Variants in MYB observed in about 807,000 individuals in gnomAD.
The protein encoded by MYB is transcriptional activator Myb.
Under a neutral mutation model 92.9 loss-of-function variants are expected in MYB, and 28 were observed. The ratio of observed to expected loss-of-function variants is 0.30; its 90% CI spans 0.22 to 0.41. The LOEUF (loss-of-function observed/expected upper bound fraction) is 0.41. Ranked by LOEUF, MYB falls within the 10% of genes least tolerant of loss-of-function variation. The pLI is 1.00. For synonymous variants in MYB, 295 were observed against 329.1 expected (o/e 0.90, Z 1.12); for missense variants, 679 against 929.3 (o/e 0.73, Z 3.50).
chr6:135,190,714 G>C lies in MYB; in HGVS notation c.527+367G>C, dbSNP rs1369502535. 6.6e-6 allele frequency among the ~76,000 whole-genome samples: 1 copy of C among 152,212 alleles called. No individual in the cohort carries two copies. The highest frequency in any genetic ancestry group is 1.5e-5 in the Non-Finnish European group (1 of 68,028). On this transcript the variant is annotated intron_variant, in intron 5 of 15. Coordinates refer to ENST00000341911, the MANE Select transcript of MYB (RefSeq NM_001130173.2). This position sits in a 1 kb window ranked among gnomAD's most constrained non-coding sequence, Gnocchi z 4.5. ...AACTGAAGACAGTTTGTCTCTGGCA[G>C]TTCACGTAGCTGGTTAAGTTACTCA... is the stretch of plus-strand genomic sequence containing the variant.
At chr6:135,199,145 G>A in intron 11 of MYB, 95 bp downstream of exon 11, 1 of 1,040,356 alleles carries the variant, frequency 9.6e-7, no homozygotes, top group African/African-American at 1.6e-5. Context: ...ACTTGTATGT[G>A]CATAATTTTA....
intron 1 of MYB, among the ~76,000 whole-genome samples, chr6:135,184,890 A>G (rs1775715226): frequency 6.6e-6 from 1 of 152,202 alleles, no homozygotes; most frequent in Non-Finnish European, 1.5e-5. Context: ...CGTGTCTGTA[A>G]AATTATTGTC....
chr6:135,212,224 C>CTTTTTTTGTTTTT (rs1779811244), intron 15 of MYB, among the ~76,000 whole-genome samples: 2 of 32,882 alleles, frequency 6.1e-5, no homozygotes, highest in Non-Finnish European at 1.1e-4. Flanking sequence ...TTTGGTTTTA[C>CTTTTTTTGTTTTT]TTTTTTTTTT....
chr6:135,202,405 G>T (rs1008854852), intron 14 of MYB: 1 of 154,876 alleles, frequency 6.5e-6, no homozygotes, highest in African/African-American at 2.4e-5. Flanking sequence ...TTTCGCTCTT[G>T]TTGCCCAGAC....
Position 135,217,877 on chromosome 6 carries a change from C to T in MYB, c.2183C>T (p.Thr728Ile). 6.2e-7 allele frequency: 1 copy of T among 1,611,036 alleles called. No homozygotes were observed. Among genetic ancestry groups the T allele is most frequent in the Non-Finnish European group, 8.5e-7 (1 of 1,177,416 alleles). Residue 728 changes from threonine to isoleucine, a missense_variant, in exon 16 of 16, where the codon ACC (threonine) becomes ATC (isoleucine). Around this residue, in one of 8 missense-constraint regions of MYB, gnomAD observed 402 missense variants for 434.2 expected, o/e 0.93. Coordinates refer to ENST00000341911, the MANE Select transcript of MYB (RefSeq NM_001130173.2). ...TTTCTCCATCAGCCTTGTAGCAGTACCTGGGAACCTGCATCCTGTGGAAAG... is the reference window on the plus strand; with the variant it reads ...TTTCTCCATCAGCCTTGTAGCAGTATCTGGGAACCTGCATCCTGTGGAAAG... Reference protein sequence around the residue: ...LASPLQPCSSTWEPASCGKME... With the variant: ...LASPLQPCSSIWEPASCGKME...
chr6:135,196,867 GTTTGC>G (rs1310234526), intron 9 of MYB, 89 bp from the exon 10 acceptor site: 201 of 1,587,558 alleles, frequency 1.3e-4, no homozygotes, highest in Non-Finnish European at 1.7e-4. Flanking sequence ...CGGGCCTAGT[GTTTGC>G]TTTGCGTTGA....
chr6:135,199,938 G>A (rs997283834), intron 11 of MYB, 147 bp from the exon 12 acceptor site: 3 of 641,898 alleles, frequency 4.7e-6, no homozygotes, highest in Middle Eastern at 3.5e-4. Context: ...TTTTCTTAAC[G>A]AATAACGTGA....
rs552545642 is a variant in MYB, at chr6:135,204,255, C to T, written c.2169+931C>T. Among the ~76,000 whole-genome samples the T allele has an allele frequency of 3.3e-5, 5 of 152,290 alleles. No individual in the cohort carries two copies. In the East Asian group the frequency reaches 9.6e-4, roughly 29 times the overall value. Reference sequence around the variant, plus strand: ...CAAATTGTGAGAATCTGAAAACTTGCCCGGTAAGTATTTGTGATGCTTAGT... The same window carrying T: ...CAAATTGTGAGAATCTGAAAACTTGTCCGGTAAGTATTTGTGATGCTTAGT... On this transcript the variant is annotated intron_variant, in intron 15 of 15. Coordinates refer to ENST00000341911, the MANE Select transcript of MYB (RefSeq NM_001130173.2).
intron 15 of MYB, chr6:135,203,625 ATCT>A (rs1035973600): frequency 7.9e-6 from 8 of 1,009,654 alleles, no homozygotes; most frequent in Admixed American, 4.9e-5. Flanking sequence ...GTGTGTCACT[ATCT>A]TCTTCTGCCC....
At chr6:135,206,205 C>CAAAAAAAAAAAAAAAAA (rs67836018) in intron 15 of MYB, among the ~76,000 whole-genome samples, 3 of 87,364 alleles carry the variant, frequency 3.4e-5, no homozygotes, top group African/African-American at 1.3e-4. Flanking sequence ...GACTCCATCT[C>CAAAAAAAAAAAAAAAAA]AAAAAAAAAA....
Position 135,194,361 on chromosome 6 carries a change from C to T in MYB, c.849C>T (p.His283=). ...CCCTTACTTTGTAATTTCAGAGACA[C>T]TATAATGATGAAGACCCTGAGAAGG... is the stretch of plus-strand genomic sequence containing the variant. ...PQPAAAAIQR[H]YNDEDPEKEK... is the part of the protein sequence containing the mutation. Residue 283 remains histidine, a synonymous_variant, in exon 8 of 16, where the codon CAC becomes CAT. Transcript: ENST00000341911. 1 of 1,606,032 alleles carries T rather than the reference C, an allele frequency of 6.2e-7. No individual in the cohort carries two copies. The highest frequency in any genetic ancestry group is 8.5e-7 in the Non-Finnish European group (1 of 1,174,178).
Position 135,192,519 on chromosome 6 carries a change from C to T in MYB, c.723C>T (p.Asn241=). Residue 241 remains asparagine (N), a synonymous_variant, in exon 6 of 16, where the codon AAC becomes AAT. Coordinates refer to ENST00000341911, the MANE Select transcript of MYB (RefSeq NM_001130173.2). ...CTGCCACTGGCCAGCCCACTGTTAACAACGACTATTCCTATTACCACATTT... is the reference window on the plus strand; with the variant it reads ...CTGCCACTGGCCAGCCCACTGTTAATAACGACTATTCCTATTACCACATTT... ...QLPATGQPTV[N]NDYSYYHISE... 1 of 1,614,248 alleles carries T rather than the reference C, an allele frequency of 6.2e-7. No homozygotes were observed. The highest frequency in any genetic ancestry group is 1.3e-5 in the African/African-American group (1 of 75,064).
chr6:135,186,772 G>C (rs1453084331), intron 2 of MYB, among the ~76,000 whole-genome samples: 1 of 152,088 alleles, frequency 6.6e-6, no homozygotes, highest in Non-Finnish European at 1.5e-5. Context: ...TGATTTTGTA[G>C]GAATGGAAAA....
At chr6:135,195,318 A>T (rs1417153766) in intron 8 of MYB, 1 of 291,560 alleles carries the variant, frequency 3.4e-6, no homozygotes, top group African/African-American at 2.2e-5. Flanking sequence ...AAGCAACAAG[A>T]ATATGTGTAG....
intron 15 of MYB, among the ~76,000 whole-genome samples, chr6:135,207,137 C>G (rs555328292): frequency 6.6e-6 from 1 of 152,198 alleles, no homozygotes; most frequent in South Asian, 2.1e-4. Context: ...ACATATTGCA[C>G]ATTTATTAAA....
chr6:135,195,221 G>T, intron 8 of MYB: 1 of 567,922 alleles, frequency 1.8e-6, no homozygotes. Flanking sequence ...GGAGACTTCT[G>T]TTAATTTGCT....
chr6:135,186,077 A>T, intron 2 of MYB, 57 bp downstream of exon 2: 1 of 1,496,908 alleles, frequency 6.7e-7, no homozygotes. Flanking sequence ...ATTTATAAAA[A>T]ACAAAATTTC....
Position 135,217,892 on chromosome 6 carries a change from C to G in MYB, c.2198C>G (p.Ser733Cys). ...QPCSSTWEPA[S>C]CGKMEEQMTS... ...TGTAGCAGTACCTGGGAACCTGCAT[C>G]CTGTGGAAAGATGGAGGAGCAGATG... The change falls in exon 16 of 16, where the codon TCC (serine) becomes TGC (cysteine). Residue 733 changes from serine to cysteine, a missense_variant. By Grantham distance (112) the Ser-to-Cys change is moderately radical. This residue lies in a region of MYB where 402 missense variants were observed against 434.2 expected (regional missense o/e 0.93). Transcript: ENST00000341911. 1 of 1,613,152 alleles carries G rather than the reference C, an allele frequency of 6.2e-7. No homozygotes were observed. Among genetic ancestry groups the G allele is most frequent in the Non-Finnish European group, 8.5e-7 (1 of 1,179,300 alleles).
intron 1 of MYB, among the ~76,000 whole-genome samples, chr6:135,184,322 C>CTTTTTTTTTTTTTTTTTT: frequency 1.5e-5 from 1 of 68,404 alleles, no homozygotes; most frequent in African/African-American, 5.9e-5. Flanking sequence ...GGCTTTATAG[C>CTTTTTTTTTTTTTTTTTT]TTTTTTTTTT....
Sources: gnomAD v4.1 joint callset for allele counts (sites outside exome capture counted in the v4.1 genomes callset) on GRCh38, gnomAD v4.1.1 for gene constraint, gnomAD v4.1.1 regional missense constraint, Gnocchi (gnomAD v3.1) non-coding constraint, MANE v1.5 for transcripts, NCBI Gene and HGNC (gene_info 2026-07-23, HGNC 2026-07-21) for gene names.